NEK10: variants seen among roughly 807,000 people sequenced by gnomAD.
The protein encoded by NEK10 is serine/threonine-protein kinase Nek10.
In NEK10, 122 loss-of-function variants were observed where a neutral mutation model predicts 159.8. The ratio of observed to expected loss-of-function variants is 0.76; its 90% CI spans 0.66 to 0.89. The LOEUF (loss-of-function observed/expected upper bound fraction) is 0.89. Ranked by LOEUF, NEK10 falls within the 40% of genes least tolerant of loss-of-function variation. NEK10 has a pLI of 0.00. For synonymous variants in NEK10, 466 were observed against 457.1 expected (o/e 1.02, Z -0.25); for missense variants, 1,342 against 1,323.1 (o/e 1.01, Z -0.22).
chr3:27,151,862 C>G (rs1209895880), intron 30 of NEK10, among the ~76,000 whole-genome samples: 1 of 152,002 alleles, frequency 6.6e-6, no homozygotes, highest in Non-Finnish European at 1.5e-5. Flanking sequence ...ATGCAAAATG[C>G]TCTGGAAAGT....
At position 27,174,488 on chromosome 3, in the gene NEK10, C is replaced by T. The variant is rs764123485; in HGVS notation, c.2727G>A (p.Ser909=). The T allele has an allele frequency of 4.6e-5, 74 of 1,611,874 alleles. 2 individuals carry two copies. Among genetic ancestry groups the T allele is most frequent in the South Asian group, 4.0e-4 (36 of 90,828 alleles). The change falls in exon 28 of 36, where the codon TCG becomes TCA. Residue 909 remains serine (S), a synonymous_variant. Transcript: ENST00000691995. ...TTGAACTGGAGCTGCTGGAGTTATC[C>T]GAAATGTCCAATTCATCATCTACCT... is the stretch of plus-strand genomic sequence containing the variant. The part of the protein sequence containing the change: ...YSEVDDELDI[S]DNSSSSSSSP...
chr3:27,305,632 A>T (rs999531714), intron 11 of NEK10, among the ~76,000 whole-genome samples: 1 of 151,198 alleles, frequency 6.6e-6, no homozygotes, highest in Non-Finnish European at 1.5e-5. Flanking sequence ...AAAAAAAAAT[A>T]ATAATAATAA....
rs1482048635 is a variant in NEK10 at position 27,291,483 on chromosome 3, C to G, written c.1476+1G>C. On this transcript the variant is annotated splice_donor_variant, in intron 17 of 35. Transcript: ENST00000691995. LOFTEE classifies it high-confidence loss of function. ...CAAAATATTGAAAACTCAGGACTTA[C>G]CACTAATAAATTCAGCTTGGATACC... is the stretch of plus-strand genomic sequence containing the variant. 12 of 1,603,068 alleles carry G rather than the reference C, an allele frequency of 7.5e-6. No individual in the cohort carries two copies. The highest frequency in any genetic ancestry group is 9.4e-6 in the Non-Finnish European group (11 of 1,170,088).
At chr3:27,287,790 C>T in intron 19 of NEK10, 47 bp from the exon 20 acceptor site, 1 of 1,472,146 alleles carries the variant, frequency 6.8e-7, no homozygotes, top group Non-Finnish European at 9.0e-7. Context: ...CTTCAAAATA[C>T]AAGTTTTTTC....
At position 27,139,963 on chromosome 3, in the gene NEK10, C is replaced by A. The variant is rs186120850; in HGVS notation, c.2970+1519G>T. ...TTTGGAGGCCAGGTATGACACCGAA[C>A]GATACATGATTTCAATGTATCCAGT... On this transcript the variant is annotated intron_variant, in intron 31 of 35. Coordinates refer to ENST00000691995, the MANE Select transcript of NEK10 (RefSeq NM_001394966.1). Among the ~76,000 whole-genome samples the A allele has an allele frequency of 1.2e-4, 19 of 152,272 alleles. No homozygotes were observed. The East Asian group carries it at 3.5e-3, about 28-fold the overall frequency.
intron 19 of NEK10, among the ~76,000 whole-genome samples, chr3:27,288,002 C>T (rs2042738991): frequency 6.6e-6 from 1 of 152,158 alleles, no homozygotes. Flanking sequence ...ACTTTACTAT[C>T]GAACTTAACC....
intron 31 of NEK10, among the ~76,000 whole-genome samples, chr3:27,134,246 A>T (rs1942949734): frequency 6.6e-6 from 1 of 152,222 alleles, no homozygotes; most frequent in South Asian, 2.1e-4. Flanking sequence ...ATGTGCATGT[A>T]TATTCCTAGC....
intron 22 of NEK10, among the ~76,000 whole-genome samples, chr3:27,265,932 G>A (rs1034346807): frequency 1.8e-4 from 27 of 150,374 alleles, no homozygotes; most frequent in African/African-American, 5.4e-4. Context: ...TCAGCCTCCC[G>A]AGTAGCTGGG....
chr3:27,150,388 T>TC (rs1340435053), intron 30 of NEK10, among the ~76,000 whole-genome samples: 1 of 152,204 alleles, frequency 6.6e-6, no homozygotes, highest in Non-Finnish European at 1.5e-5. Flanking sequence ...CTGACTCTCT[T>TC]GTTAGGAGCT....
chr3:27,304,921 T>A lies in NEK10; in HGVS notation c.854A>T (p.Glu285Val). The A allele has an allele frequency of 6.2e-7, 1 of 1,613,644 alleles. No individual in the cohort carries two copies. Among genetic ancestry groups the A allele is most frequent in the Non-Finnish European group, 8.5e-7 (1 of 1,179,802 alleles). Residue 285 changes from glutamate (E) to valine (V), a missense_variant, in exon 12 of 36, where the codon GAG (glutamate) becomes GTG (valine). Glu to Val is a moderately radical substitution (Grantham distance 121). Coordinates refer to ENST00000691995, the MANE Select transcript of NEK10 (RefSeq NM_001394966.1). ...TATCCCCTCATAGAGCTTCACCTGC[T>A]CTTTCACCTGGGGCTCTGCACAAAG... is the stretch of plus-strand genomic sequence containing the variant. ...RLLCAEPQVK[E>V]QVKLYEGIPV...
rs1559518587 is a variant in NEK10, at chr3:27,151,095, GTAT to G, written c.2870-9516_2870-9514del. Among the ~76,000 whole-genome samples the G allele has an allele frequency of 9.3e-4, 142 of 152,264 alleles. 1 individual carries two copies. Among genetic ancestry groups the G allele is most frequent in the African/African-American group, 3.3e-3 (138 of 41,552 alleles). The stretch of plus-strand genomic sequence containing the variant: ...ACCCTGGTAGCGGAAGACAAAGGAC[GTAT>G]AATCTTGGGAGTTCTAAGGCCTCAC... On this transcript the variant is annotated intron_variant, in intron 30 of 35. Coordinates refer to ENST00000691995, the MANE Select transcript of NEK10 (RefSeq NM_001394966.1).
intron 14 of NEK10, 44 bp downstream of exon 14, chr3:27,297,135 A>G (rs1349497015): frequency 7.6e-7 from 1 of 1,317,726 alleles, no homozygotes; most frequent in Non-Finnish European, 1.1e-6. Context: ...TGAGTTGATT[A>G]TGAATGGTTA....
rs188999543 is a variant in NEK10 at position 27,170,984 on chromosome 3, A to T, written c.2831+835T>A. Among the ~76,000 whole-genome samples, 149 of 152,048 alleles carry T rather than the reference A, an allele frequency of 9.8e-4. 1 individual carries two copies. Among genetic ancestry groups the T allele is most frequent in the African/African-American group, 3.4e-3 (143 of 41,488 alleles). ...CCTCTGTCCCAAATGCCCTGAGTTC[A>T]TCCTGATTCTAGGAGGTCCTTTTCC... On this transcript the variant is annotated intron_variant, in intron 29 of 35. Coordinates refer to ENST00000691995, the MANE Select transcript of NEK10 (RefSeq NM_001394966.1).
In NEK10 at chr3:27,304,986, G is replaced by A; in HGVS notation, c.804-15C>T. On this transcript the variant is annotated splice_polypyrimidine_tract_variant and intron_variant, in intron 11 of 35. Transcript: ENST00000691995. ...CCGCTGTTAGTCTGAAAGGGGTACA[G>A]AGGGTGGGGTGAGAATCACAGCATC... The A allele has an allele frequency of 6.5e-7, 1 of 1,534,800 alleles. No homozygotes were observed. The highest frequency in any genetic ancestry group is 1.1e-5 in the South Asian group (1 of 88,668).
chr3:27,166,599 C>T (rs148654361), intron 29 of NEK10, among the ~76,000 whole-genome samples: 4 of 152,318 alleles, frequency 2.6e-5, no homozygotes, highest in East Asian at 3.9e-4. Context: ...TGAAAATACA[C>T]GAGGTCTTTC....
intron 30 of NEK10, among the ~76,000 whole-genome samples, chr3:27,159,626 G>T (rs1329115197): frequency 6.6e-6 from 1 of 151,880 alleles, no homozygotes; most frequent in Non-Finnish European, 1.5e-5. Flanking sequence ...TCTATTGGCA[G>T]GGAATTGCAA....
chr3:27,268,631 C>T (rs560296242), intron 22 of NEK10, among the ~76,000 whole-genome samples: 1 of 152,272 alleles, frequency 6.6e-6, no homozygotes, highest in African/African-American at 2.4e-5. Flanking sequence ...GTAAAAAATT[C>T]CTTTCAAAAT....
Position 27,111,094 on chromosome 3 carries a change from G to T in NEK10, c.*178C>A. ...TCTGGCAATGAAGCCCTCAAGTACC[G>T]CAGCTGTCATATACTCCAGCACAGG... is the stretch of plus-strand genomic sequence containing the variant. On this transcript the variant is annotated 3_prime_UTR_variant, in exon 36 of 36. Coordinates refer to ENST00000691995, the MANE Select transcript of NEK10 (RefSeq NM_001394966.1). The T allele has an allele frequency of 4.4e-6, 2 of 459,264 alleles. No homozygotes were observed. Among genetic ancestry groups the T allele is most frequent in the African/African-American group, 4.1e-5 (2 of 49,318 alleles). The allele number at this position is 459,264 out of a possible 1,614,324, so 28.4% of individuals were successfully genotyped here.
chr3:27,167,979 G>A (rs532017943), intron 29 of NEK10, among the ~76,000 whole-genome samples: 1 of 152,154 alleles, frequency 6.6e-6, no homozygotes, highest in African/African-American at 2.4e-5. Context: ...AGTTACGTTA[G>A]TTTTTCCGCA....
Sources: allele counts gnomAD v4.1 joint callset (sites outside exome capture counted in the v4.1 genomes callset), GRCh38; gene constraint gnomAD v4.1.1; transcripts MANE v1.5; gene names NCBI Gene and HGNC (gene_info 2026-07-23, HGNC 2026-07-21).